CBX5: variants seen among roughly 807,000 people sequenced by gnomAD.
CBX5 encodes chromobox protein homolog 5.
In CBX5, 7 loss-of-function variants were observed where a neutral mutation model predicts 20.7. The observed-to-expected ratio is 0.34, with a 90% CI of 0.19 to 0.63. The LOEUF is 0.63. CBX5 is among the 30% of genes least tolerant of loss of function. The pLI is 0.75. For missense variants in CBX5, 110 were observed against 224.1 expected (o/e 0.49, Z 3.25); for synonymous variants, 78 against 77.0 (o/e 1.01, Z -0.07).
chr12:54,261,085 G>T (rs989812718), intron 1 of CBX5, among the ~76,000 whole-genome samples: 3 of 151,214 alleles, frequency 2.0e-5, no homozygotes, highest in Admixed American at 1.3e-4. Context: ...CAGCTACTTG[G>T]GAGGCTAAGG....
intron 1 of CBX5, among the ~76,000 whole-genome samples, chr12:54,265,000 A>C (rs1038311493): frequency 6.6e-6 from 1 of 152,200 alleles, no homozygotes; most frequent in Non-Finnish European, 1.5e-5. Context: ...CCCCTAACTA[A>C]GCAAAATCCT....
chr12:54,256,811 G>A (rs1235667657), intron 2 of CBX5, among the ~76,000 whole-genome samples: 1 of 152,090 alleles, frequency 6.6e-6, no homozygotes, highest in Non-Finnish European at 1.5e-5. Flanking sequence ...CCAGCACTTT[G>A]GGAGGCCAAG....
intron 4 of CBX5, among the ~76,000 whole-genome samples, chr12:54,245,846 C>T (rs1482799560): frequency 6.6e-6 from 1 of 151,908 alleles, no homozygotes; most frequent in Non-Finnish European, 1.5e-5. Flanking sequence ...GGCATGGTGG[C>T]GGGCACCTGT....
chr12:54,247,188 T>C (rs1295478420), intron 3 of CBX5, among the ~76,000 whole-genome samples: 3 of 152,004 alleles, frequency 2.0e-5, no homozygotes, highest in Admixed American at 6.6e-5. Flanking sequence ...TGGATGTAGA[T>C]GACTGTTAGC....
In CBX5 at chr12:54,233,579, AG is replaced by A. The variant is rs1302289566; in HGVS notation, c.*8175del. 6.6e-6 allele frequency: 1 copy of A among 152,236 alleles called. No individual in the cohort carries two copies. The highest frequency in any genetic ancestry group is 2.4e-5 in the African/African-American group (1 of 41,454). The allele number at this position is 152,236 out of a possible 1,614,324, so 9.4% of individuals were successfully genotyped here. On this transcript the variant is annotated 3_prime_UTR_variant, in exon 5 of 5. Coordinates refer to ENST00000209875, the MANE Select transcript of CBX5 (RefSeq NM_012117.3). ...CATACCTCTTCACAGCAGCCAGTGT[AG>A]GAAGTCCCCACATACAACAGAAACT...
At chr12:54,244,718 G>A (rs991049988) in intron 4 of CBX5, among the ~76,000 whole-genome samples, 1 of 151,992 alleles carries the variant, frequency 6.6e-6, no homozygotes, top group Admixed American at 6.6e-5. Context: ...AGGCGAAAGA[G>A]ACTCTGTCTC....
intron 2 of CBX5, 192 bp from the exon 3 acceptor site, chr12:54,252,419 A>C: frequency 2.1e-6 from 1 of 473,684 alleles, no homozygotes; most frequent in South Asian, 4.1e-5. Context: ...GCCCACACAA[A>C]GACTTATTTA....
chr12:54,241,181 G>C lies in CBX5; in HGVS notation c.*574C>G, dbSNP rs1298015432. On this transcript the variant is annotated 3_prime_UTR_variant, in exon 5 of 5. Transcript: ENST00000209875. ...GGATGAGTGAGGATGAACAACAGAG[G>C]GTGGCCCAGAAGACCACACCAGAAA... 1 of 152,138 alleles carries C rather than the reference G, an allele frequency of 6.6e-6. No homozygotes were observed. Among genetic ancestry groups the C allele is most frequent in the Admixed American group, 6.5e-5 (1 of 15,268 alleles). 9.4% of individuals were successfully genotyped at this position (152,138 alleles called of 1,614,324 possible).
chr12:54,269,469 C>G (rs921014207), intron 1 of CBX5, among the ~76,000 whole-genome samples: 1 of 151,866 alleles, frequency 6.6e-6, no homozygotes, highest in Non-Finnish European at 1.5e-5. Context: ...GCTCACTGCA[C>G]CCTCCGCCTC....
At chr12:54,257,466 T>C in intron 2 of CBX5, 48 bp downstream of exon 2, 5 of 1,596,102 alleles carry the variant, frequency 3.1e-6, no homozygotes, top group African/African-American at 1.4e-5. Flanking sequence ...AAACCAAAGG[T>C]ATCTATCTCT....
chr12:54,253,451 C>A (rs533666748), intron 2 of CBX5, among the ~76,000 whole-genome samples: 2 of 151,904 alleles, frequency 1.3e-5, no homozygotes, highest in South Asian at 4.2e-4. Context: ...TTGGGCTGGG[C>A]GCAGTGACTC....
rs368246087 is a variant in CBX5, at chr12:54,271,661, G to A, written c.-43+8347C>T. ...TCTGTTTTCCTTTGTGTATGTTGAA[G>A]CTTTATTATTAGCTTTTAGGACATT... On this transcript the variant is annotated intron_variant, in intron 1 of 4. Coordinates refer to ENST00000209875, the MANE Select transcript of CBX5 (RefSeq NM_012117.3). Among the ~76,000 whole-genome samples the A allele has an allele frequency of 4.6e-5, 7 of 152,274 alleles. 1 individual carries two copies. Among genetic ancestry groups the A allele is most frequent in the African/African-American group, 1.7e-4 (7 of 41,560 alleles).
At chr12:54,273,861 A>C (rs1381722824) in intron 1 of CBX5, 1 of 152,214 alleles carries the variant, frequency 6.6e-6, no homozygotes, top group Non-Finnish European at 1.5e-5. Context: ...CAGCCACAGG[A>C]AACTAATACA....
At position 54,252,244 on chromosome 12, in the gene CBX5, G is replaced by A; in HGVS notation, c.138-17C>T. On this transcript the variant is annotated splice_polypyrimidine_tract_variant and intron_variant, in intron 2 of 4. Coordinates refer to ENST00000209875, the MANE Select transcript of CBX5 (RefSeq NM_012117.3). ...TTGTGCTCCCTGGGTAAGAAAAATGGGAAAATTAAAAAAAAAAGGGGGGGG... is the reference window on the plus strand; with the variant it reads ...TTGTGCTCCCTGGGTAAGAAAAATGAGAAAATTAAAAAAAAAAGGGGGGGG... 3 of 1,464,166 alleles carry A rather than the reference G, an allele frequency of 2.0e-6. No homozygotes were observed. The highest frequency in any genetic ancestry group is 2.4e-5 in the Admixed American group (1 of 41,782). 90.7% of individuals were successfully genotyped at this position (1,464,166 alleles called of 1,614,324 possible). A position where few individuals can be genotyped will look rare whatever the true frequency, so the allele number is the denominator to read the frequency against.
At chr12:54,255,641 T>C (rs1460869970) in intron 2 of CBX5, 1 of 152,058 alleles carries the variant, frequency 6.6e-6, no homozygotes, top group Non-Finnish European at 1.5e-5. Context: ...GCAAGGGTCT[T>C]GCTATGTTAA....
At chr12:54,258,871 C>T (rs1943887426) in intron 1 of CBX5, among the ~76,000 whole-genome samples, 1 of 152,086 alleles carries the variant, frequency 6.6e-6, no homozygotes, top group African/African-American at 2.4e-5. Flanking sequence ...TCAGGGAGGG[C>T]CCACTACTAA....
chr12:54,254,280 G>T (rs1943841477), intron 2 of CBX5, among the ~76,000 whole-genome samples: 1 of 133,550 alleles, frequency 7.5e-6, no homozygotes, highest in South Asian at 2.5e-4. Flanking sequence ...GTGGTGAGCT[G>T]AGTTCGAGCT....
At chr12:54,255,129 A>T (rs1487455854) in intron 2 of CBX5, among the ~76,000 whole-genome samples, 1 of 152,192 alleles carries the variant, frequency 6.6e-6, no homozygotes, top group African/African-American at 2.4e-5. Context: ...AGTATGATTT[A>T]AAAAGAGCCT....
At chr12:54,244,601 G>A (rs1943714295) in intron 4 of CBX5, among the ~76,000 whole-genome samples, 1 of 151,928 alleles carries the variant, frequency 6.6e-6, no homozygotes, top group South Asian at 2.1e-4. Context: ...AGCCAGGCAT[G>A]GTGGTAGGCG....
Sources: gnomAD v4.1 joint callset for allele counts (sites outside exome capture counted in the v4.1 genomes callset) on GRCh38, gnomAD v4.1.1 for gene constraint, MANE v1.5 for transcripts, NCBI Gene and HGNC (gene_info 2026-07-23, HGNC 2026-07-21) for gene names.